Variants in EPHA6 observed in about 807,000 individuals in gnomAD.
The protein encoded by EPHA6 is ephrin type-A receptor 6.
Under a neutral mutation model 112.0 loss-of-function variants are expected in EPHA6, and 50 were observed. The ratio of observed to expected loss-of-function variants is 0.45; its 90% CI spans 0.36 to 0.56. EPHA6 has a LOEUF of 0.56. Ranked by LOEUF, EPHA6 falls within the 20% of genes least tolerant of loss-of-function variation. The pLI is 0.00. For synonymous variants in EPHA6, 529 were observed against 490.7 expected, an observed-to-expected ratio of 1.08 and a Z score of -1.03; for missense variants, 1,280 against 1,417.4, an observed-to-expected ratio of 0.90 and a Z score of 1.56.
chr3:97,337,145 T>C (rs2083094101), intron 5 of EPHA6, among the ~76,000 whole-genome samples: 1 of 152,068 alleles, frequency 6.6e-6, no homozygotes, highest in Non-Finnish European at 1.5e-5. Flanking sequence ...GAATCACAGA[T>C]TGATGGATTT....
chr3:97,056,418 A>G (rs1417519479), intron 3 of EPHA6, among the ~76,000 whole-genome samples: 1 of 152,176 alleles, frequency 6.6e-6, no homozygotes, highest in Non-Finnish European at 1.5e-5. Context: ...TTCTTTTATC[A>G]GCATCCCATA....
chr3:97,092,850 C>CA lies in EPHA6; in HGVS notation c.1114+104867dup, dbSNP rs11296597. Among the ~76,000 whole-genome samples, 486 of 146,582 alleles carry CA rather than the reference C, an allele frequency of 3.3e-3. 5 individuals are homozygous for CA. Among genetic ancestry groups the CA allele is most frequent in the African/African-American group, 6.2e-3 (251 of 40,708 alleles). ...TGTTTTAGTTAGAGTTACACAATTG[C>CA]AAAAAAAAAAGAAAAATCCCAAATA... On this transcript the variant is annotated intron_variant, in intron 3 of 17. Transcript: ENST00000389672.
intron 1 of EPHA6, among the ~76,000 whole-genome samples, chr3:96,863,386 T>TG (rs1198911906): frequency 1.3e-5 from 2 of 151,912 alleles, no homozygotes; most frequent in African/African-American, 4.8e-5. Context: ...CCTGAATTTG[T>TG]GGGGGTTTTG....
At chr3:97,241,331 T>C (rs956419809) in intron 4 of EPHA6, among the ~76,000 whole-genome samples, 1 of 151,786 alleles carries the variant, frequency 6.6e-6, no homozygotes, top group Admixed American at 6.6e-5. Context: ...GTCTGGAGGG[T>C]GAAGACTGGA....
intron 4 of EPHA6, among the ~76,000 whole-genome samples, chr3:97,242,819 A>T (rs959242151): frequency 4.0e-5 from 6 of 151,770 alleles, no homozygotes; most frequent in East Asian, 1.9e-4. Context: ...TTTTTTTTTT[A>T]AATGAAGCCT....
rs12637766 is a variant in EPHA6 at position 97,422,745 on chromosome 3, T to C, written c.1731+17471T>C. 2.3e-4 allele frequency among the ~76,000 whole-genome samples: 35 copies of C among 152,266 alleles called. No individual in the cohort carries two copies. The East Asian group carries it at 6.2e-3, about 27-fold the overall frequency. The stretch of plus-strand genomic sequence containing the variant: ...CTCAGTCATATATCCCTGATGAACA[T>C]AGATGCAAAATTCCACAACAAAACA... On this transcript the variant is annotated intron_variant, in intron 6 of 17. Coordinates refer to ENST00000389672, the MANE Select transcript of EPHA6 (RefSeq NM_001080448.3).
intron 1 of EPHA6, among the ~76,000 whole-genome samples, chr3:96,847,756 A>G (rs2035155111): frequency 6.6e-6 from 1 of 152,134 alleles, no homozygotes; most frequent in African/African-American, 2.4e-5. Flanking sequence ...ATAGGAAGCC[A>G]AAATTCAGTT....
intron 5 of EPHA6, among the ~76,000 whole-genome samples, chr3:97,324,401 C>CTT (rs1559883453): frequency 1.4e-5 from 2 of 141,296 alleles, no homozygotes; most frequent in East Asian, 2.1e-4. Context: ...CTTTGCTTTC[C>CTT]TTCTTTTCTT....
At chr3:97,496,243 T>C (rs1246272316) in intron 10 of EPHA6, among the ~76,000 whole-genome samples, 1 of 152,092 alleles carries the variant, frequency 6.6e-6, no homozygotes, top group Non-Finnish European at 1.5e-5. Context: ...CCTGCCAAAA[T>C]CTTTGTCCGT....
chr3:96,984,398 G>C (rs1052103844), intron 2 of EPHA6, among the ~76,000 whole-genome samples: 6 of 152,198 alleles, frequency 3.9e-5, no homozygotes, highest in African/African-American at 7.2e-5. Context: ...GTTGCTGCCT[G>C]ATTGTTCCTC....
intron 15 of EPHA6, among the ~76,000 whole-genome samples, chr3:97,720,810 G>GA: frequency 6.6e-6 from 1 of 152,128 alleles, no homozygotes; most frequent in Non-Finnish European, 1.5e-5. Flanking sequence ...CACTTAGAGG[G>GA]AAAAAAGTGA....
rs79006959 is a variant in EPHA6 at position 96,976,180 on chromosome 3, G to T, written c.451-11150G>T. On this transcript the variant is annotated intron_variant, in intron 2 of 17. Transcript: ENST00000389672. ...AGGGGTAGGAACTTTAAGTGGGACAGAACTAAAGTTGTCTAAAAGTGTATG... is the reference window on the plus strand; with the variant it reads ...AGGGGTAGGAACTTTAAGTGGGACATAACTAAAGTTGTCTAAAAGTGTATG... Among the ~76,000 whole-genome samples, 679 of 152,250 alleles carry T rather than the reference G, an allele frequency of 4.5e-3. 3 individuals carry two copies. Among genetic ancestry groups the T allele is most frequent in the Middle Eastern group, 0.014 (4 of 294 alleles).
chr3:97,051,979 G>A (rs1576395763), intron 3 of EPHA6, among the ~76,000 whole-genome samples: 1 of 152,194 alleles, frequency 6.6e-6, no homozygotes, highest in East Asian at 1.9e-4. Flanking sequence ...TAAAATAATA[G>A]TAATGTTTAA....
At chr3:97,466,626 A>C (rs2091064894) in intron 7 of EPHA6, 1 of 613,230 alleles carries the variant, frequency 1.6e-6, no homozygotes. Context: ...GCAAGAGTTT[A>C]TGTCTCTGGT....
intron 2 of EPHA6, among the ~76,000 whole-genome samples, chr3:96,974,480 C>CTT (rs200707051): frequency 2.1e-5 from 3 of 141,946 alleles, no homozygotes; most frequent in East Asian, 2.0e-4. Context: ...TCCTCTGTCT[C>CTT]TTTTTTTTTT....
chr3:97,379,821 G>A (rs1244343149), intron 5 of EPHA6, among the ~76,000 whole-genome samples: 5 of 145,210 alleles, frequency 3.4e-5, no homozygotes, highest in African/African-American at 5.1e-5. Flanking sequence ...AAACCATAAA[G>A]TAAAAACTTT....
At chr3:96,857,510 A>G (rs1270128151) in intron 1 of EPHA6, among the ~76,000 whole-genome samples, 1 of 151,188 alleles carries the variant, frequency 6.6e-6, no homozygotes, top group East Asian at 1.9e-4. Context: ...GTGTCTCTAA[A>G]TTTGGCATCA....
intron 7 of EPHA6, among the ~76,000 whole-genome samples, chr3:97,461,436 G>C (rs543396612): frequency 1.6e-4 from 24 of 152,170 alleles, no homozygotes; most frequent in Admixed American, 1.1e-3. Context: ...TACTTTCTAA[G>C]GTTCCTGTGA....
At chr3:97,527,016 A>C (rs1203678547) in intron 10 of EPHA6, among the ~76,000 whole-genome samples, 1 of 152,094 alleles carries the variant, frequency 6.6e-6, no homozygotes, top group Non-Finnish European at 1.5e-5. Flanking sequence ...GTCTCTCTCT[A>C]GGTCCCTGTG....
Sources: gnomAD v4.1 joint callset for allele counts (sites outside exome capture counted in the v4.1 genomes callset) on GRCh38, gnomAD v4.1.1 for gene constraint, MANE v1.5 for transcripts, NCBI Gene and HGNC (gene_info 2026-07-23, HGNC 2026-07-21) for gene names.